TTC7B: variants seen among roughly 807,000 people sequenced by gnomAD.
The protein encoded by TTC7B is tetratricopeptide repeat domain 7B, also known as tetratricopeptide repeat protein 7B.
TTC7B carries 28 observed loss-of-function variants against 106.8 expected under a neutral mutation model. The ratio of observed to expected loss-of-function variants is 0.26; its 90% confidence interval spans 0.19 to 0.36. TTC7B has a LOEUF of 0.36. Among genes scored for constraint, TTC7B ranks in the 10% least tolerant of loss-of-function variants. The pLI is 1.00. For synonymous variants in TTC7B, 405 were observed against 430.6 expected (o/e 0.94, Z 0.74); for missense variants, 862 against 1,076.4 (o/e 0.80, Z 2.79).
intron 4 of TTC7B, among the ~76,000 whole-genome samples, chr14:90,740,494 C>CTTTTTTTTTTTTTTTTTTTTTTTTTTTT (rs71461924): frequency 2.6e-5 from 2 of 78,314 alleles, no homozygotes; most frequent in Non-Finnish European, 4.5e-5. Flanking sequence ...AATTCTTTGA[C>CTTTTTTTTTTTTTTTTTTTTTTTTTTTT]TTTTTTTTTT....
rs1473746660 is a variant in TTC7B, at chr14:90,537,817, ATCTG to A, written c.*3547_*3550del. On this transcript the variant is annotated 3_prime_UTR_variant, in exon 20 of 20. Transcript: ENST00000328459. ...CGTCACCCCACCTGCCATACTCCTC[ATCTG>A]TCTGTTTCCTTCTACCAGAAGGTAG... The A allele has an allele frequency of 6.9e-6, 1 of 144,922 alleles. No homozygotes were observed. Among genetic ancestry groups the A allele is most frequent in the African/African-American group, 2.4e-5 (1 of 41,142 alleles). The allele number at this position is 144,922 out of a possible 1,614,324, so 9.0% of individuals were successfully genotyped here.
In TTC7B at chr14:90,605,614, C is replaced by T. The variant is rs143235762; in HGVS notation, c.1966+5128G>A. Reference sequence around the variant, plus strand: ...ATGTTTACAGAGAGAGGGTTCCCGGCGGGGACCTGCGTCACTGAATGAATG... The same window carrying T: ...ATGTTTACAGAGAGAGGGTTCCCGGTGGGGACCTGCGTCACTGAATGAATG... On this transcript the variant is annotated intron_variant, in intron 17 of 19. Transcript: ENST00000328459. 1,030 of 1,284,010 alleles carry T rather than the reference C, an allele frequency of 8.0e-4. 6 individuals are homozygous for T. In the African/African-American group the frequency reaches 0.014, roughly 17 times the overall value. 79.5% of individuals were successfully genotyped at this position (1,284,010 alleles called of 1,614,324 possible).
chr14:90,738,423 A>T (rs990341603), intron 4 of TTC7B, among the ~76,000 whole-genome samples: 1 of 152,168 alleles, frequency 6.6e-6, no homozygotes, highest in African/African-American at 2.4e-5. Flanking sequence ...AGCCTAGCCA[A>T]CATGATGAAA....
intron 19 of TTC7B, among the ~76,000 whole-genome samples, chr14:90,548,250 G>A (rs1488677213): frequency 1.3e-5 from 2 of 152,306 alleles, no homozygotes; most frequent in Non-Finnish European, 2.9e-5. Context: ...GCCACTCCAG[G>A]GCCACTGATG....
intron 15 of TTC7B, among the ~76,000 whole-genome samples, chr14:90,630,498 A>G (rs1884647168): frequency 1.3e-5 from 2 of 152,246 alleles, no homozygotes; most frequent in African/African-American, 4.8e-5. Flanking sequence ...TATACGTAAC[A>G]TAAAATTTGC....
Position 90,530,868 on chromosome 14 carries a change from T to G in TTC7B, c.*10500A>C, listed in dbSNP as rs1889266842. 1 of 152,198 alleles carries G rather than the reference T, an allele frequency of 6.6e-6. No homozygotes were observed. The highest frequency in any genetic ancestry group is 1.5e-5 in the Non-Finnish European group (1 of 68,040). 9.4% of individuals were successfully genotyped at this position (152,198 alleles called of 1,614,324 possible). A position where few individuals can be genotyped will look rare whatever the true frequency, so the allele number is the denominator to read the frequency against. On this transcript the variant is annotated 3_prime_UTR_variant, in exon 20 of 20. Coordinates refer to ENST00000328459, the MANE Select transcript of TTC7B (RefSeq NM_001010854.2). ...TTGTTTTATTGGGTGCAGTGTATAC[T>G]GCTCGGGTGATGGGTGCACCAAAAT...
chr14:90,785,931 T>C (rs1436513725), intron 2 of TTC7B, among the ~76,000 whole-genome samples: 1 of 152,194 alleles, frequency 6.6e-6, no homozygotes, highest in Non-Finnish European at 1.5e-5. Context: ...AGTGGCATTG[T>C]GCAGATGACG....
At chr14:90,597,869 A>G (rs1231271088) in intron 17 of TTC7B, among the ~76,000 whole-genome samples, 2 of 152,230 alleles carry the variant, frequency 1.3e-5, no homozygotes, top group East Asian at 3.8e-4. Flanking sequence ...TCAGAATGAG[A>G]GCACTATTAA....
intron 19 of TTC7B, among the ~76,000 whole-genome samples, chr14:90,559,306 G>A (rs7150713): frequency 0.38 from 57,189 of 152,164 alleles, 11,055 homozygotes; most frequent in Admixed American, 0.45. Context: ...GGAGACCAGG[G>A]AATTGGAAGA....
chr14:90,591,705 G>C (rs1891965810), intron 18 of TTC7B, among the ~76,000 whole-genome samples: 1 of 152,166 alleles, frequency 6.6e-6, no homozygotes, highest in Non-Finnish European at 1.5e-5. Context: ...CCCTACACCA[G>C]CCCCACAAGT....
At chr14:90,647,292 G>C (rs1407159805) in intron 13 of TTC7B, 8 of 414,964 alleles carry the variant, frequency 1.9e-5, no homozygotes, top group African/African-American at 8.1e-5. Context: ...GCTTTGCGGA[G>C]GGCCTCGAGG....
rs2031191250 is a variant in TTC7B at position 90,816,350 on chromosome 14, G to A, written c.-55C>T. The A allele has an allele frequency of 3.2e-6, 3 of 946,972 alleles. No individual in the cohort carries two copies. Among genetic ancestry groups the A allele is most frequent in the Non-Finnish European group, 3.8e-6 (3 of 798,050 alleles). The allele number at this position is 946,972 out of a possible 1,614,324, so 58.7% of individuals were successfully genotyped here. On this transcript the variant is annotated 5_prime_UTR_variant, in exon 1 of 20. Transcript: ENST00000328459. ...CCGCAGGCCCCACCGCCGCCGCCGC[G>A]GCGCCCCCTCGCCGCCTCCCGCCGC...
At chr14:90,653,696 G>C (rs892176817) in intron 12 of TTC7B, among the ~76,000 whole-genome samples, 3 of 152,224 alleles carry the variant, frequency 2.0e-5, no homozygotes, top group Non-Finnish European at 2.9e-5. Flanking sequence ...CCTGGCATGA[G>C]ACTGAGAGCA....
intron 4 of TTC7B, among the ~76,000 whole-genome samples, chr14:90,739,692 C>T (rs375853353): frequency 5.9e-5 from 9 of 152,182 alleles, no homozygotes. Flanking sequence ...GCATTAACTT[C>T]TTTTCTAAAA....
chr14:90,722,854 C>T (rs1177497644), intron 5 of TTC7B, among the ~76,000 whole-genome samples: 1 of 152,212 alleles, frequency 6.6e-6, no homozygotes, highest in Non-Finnish European at 1.5e-5. Context: ...TCCCTTCCAC[C>T]TCTGGCAGTT....
chr14:90,531,659 G>T lies in TTC7B; in HGVS notation c.*9709C>A, dbSNP rs1156388566. The T allele has an allele frequency of 6.6e-6, 1 of 150,556 alleles. No homozygotes were observed. Among genetic ancestry groups the T allele is most frequent in the African/African-American group, 2.4e-5 (1 of 40,920 alleles). 9.3% of individuals were successfully genotyped at this position (150,556 alleles called of 1,614,324 possible). Reference sequence around the variant, plus strand: ...AAAAAAAAAAGCCGTGGGTGAACTGGCTTCATTTCTATACAGGAGCTCTGT... The same window carrying T: ...AAAAAAAAAAGCCGTGGGTGAACTGTCTTCATTTCTATACAGGAGCTCTGT... On this transcript the variant is annotated 3_prime_UTR_variant, in exon 20 of 20. Transcript: ENST00000328459.
In TTC7B at chr14:90,736,283, A is replaced by T. The variant is rs142165898; in HGVS notation, c.577-6087T>A. ...AAAAATTTTTGTTTTCTGTTTTTTT[A>T]AAAAAAGGGGAGGAGGTCGGGTGCA... On this transcript the variant is annotated intron_variant, in intron 4 of 19. Coordinates refer to ENST00000328459, the MANE Select transcript of TTC7B (RefSeq NM_001010854.2). 6.6e-5 allele frequency among the ~76,000 whole-genome samples: 10 copies of T among 151,884 alleles called. No individual in the cohort carries two copies. The East Asian group carries it at 7.7e-4, about 12-fold the overall frequency.
intron 3 of TTC7B, among the ~76,000 whole-genome samples, chr14:90,778,916 GC>G (rs774870424): frequency 3.9e-5 from 6 of 152,222 alleles, no homozygotes; most frequent in Non-Finnish European, 7.3e-5. Flanking sequence ...TAACAAGTGT[GC>G]CCCGGGCTGG....
chr14:90,563,313 A>G (rs1890662800), intron 19 of TTC7B, among the ~76,000 whole-genome samples: 2 of 152,210 alleles, frequency 1.3e-5, no homozygotes, highest in African/African-American at 4.8e-5. Flanking sequence ...AAATGTCACA[A>G]TCGAGCAAGT....
Sources: allele counts gnomAD v4.1 joint callset (sites outside exome capture counted in the v4.1 genomes callset), GRCh38; gene constraint gnomAD v4.1.1; transcripts MANE v1.5; gene names NCBI Gene and HGNC (gene_info 2026-07-23, HGNC 2026-07-21).